EYA2: variants seen among roughly 807,000 people sequenced by gnomAD.
EYA2 encodes protein phosphatase EYA2.
Under a neutral mutation model 69.2 loss-of-function variants are expected in EYA2, and 31 were observed. The ratio of observed to expected loss-of-function variants is 0.45; its 90% CI spans 0.34 to 0.60. The LOEUF (loss-of-function observed/expected upper bound fraction) is 0.60, where lower values mean the gene tolerates loss of function less well. EYA2 is among the 20% of genes least tolerant of loss of function. The pLI is 0.02. For synonymous variants in EYA2, 257 were observed against 279.4 expected, an observed-to-expected ratio of 0.92 and a Z score of 0.80; for missense variants, 622 against 701.2, an observed-to-expected ratio of 0.89 and a Z score of 1.28.
chr20:47,155,257 A>G (rs1466806748), intron 10 of EYA2, among the ~76,000 whole-genome samples: 2 of 152,032 alleles, frequency 1.3e-5, no homozygotes, highest in African/African-American at 2.4e-5. Flanking sequence ...CACAAATAGC[A>G]ACAAGCAACC....
chr20:47,011,697 C>G (rs6094552), intron 4 of EYA2, among the ~76,000 whole-genome samples: 1 of 151,786 alleles, frequency 6.6e-6, no homozygotes. Context: ...CTCTTCCTCC[C>G]TGGGACCTCT....
chr20:47,116,940 G>A (rs2032910498), intron 9 of EYA2, among the ~76,000 whole-genome samples: 1 of 151,946 alleles, frequency 6.6e-6, no homozygotes, highest in African/African-American at 2.4e-5. Flanking sequence ...CCAGGTAGCT[G>A]GCAGAAATGC....
At chr20:46,896,626 C>T (rs922384248) in intron 1 of EYA2, among the ~76,000 whole-genome samples, 43 of 152,234 alleles carry the variant, frequency 2.8e-4, no homozygotes, top group Admixed American at 2.6e-3. Flanking sequence ...TAACAAATAA[C>T]AAATGATAGT....
chr20:47,140,934 ACT>A (rs2033581457), intron 9 of EYA2, among the ~76,000 whole-genome samples: 1 of 151,804 alleles, frequency 6.6e-6, no homozygotes, highest in South Asian at 2.1e-4. Flanking sequence ...GAGGAAGTCA[ACT>A]CTTTTAACAA....
chr20:47,089,406 C>T, intron 8 of EYA2, 25 bp downstream of exon 8: 1 of 1,598,644 alleles, frequency 6.3e-7, no homozygotes, highest in Non-Finnish European at 8.5e-7. Context: ...CTCTGTGTGA[C>T]CTGGTGAATG....
chr20:46,940,061 A>G lies in EYA2; in HGVS notation c.-11+45074A>G, dbSNP rs572529405. On this transcript the variant is annotated intron_variant, in intron 1 of 15. Coordinates refer to ENST00000327619, the MANE Select transcript of EYA2 (RefSeq NM_005244.5). ...ACGTGCGAGGATCTTGCAAAGATAC[A>G]CAAGAAATATAATAGGCCTACCTGA... is the stretch of plus-strand genomic sequence containing the variant. 5.3e-5 allele frequency among the ~76,000 whole-genome samples: 8 copies of G among 152,360 alleles called. No homozygotes were observed. The East Asian group carries it at 1.5e-3, about 29-fold the overall frequency.
intron 7 of EYA2, among the ~76,000 whole-genome samples, chr20:47,088,062 C>G (rs1336667036): frequency 1.3e-5 from 2 of 152,070 alleles, no homozygotes; most frequent in Admixed American, 1.3e-4. Flanking sequence ...CCTCGTCTCC[C>G]TGTCTCTACT....
At chr20:46,947,018 G>C (rs183432859) in intron 1 of EYA2, among the ~76,000 whole-genome samples, 1 of 152,158 alleles carries the variant, frequency 6.6e-6, no homozygotes, top group Non-Finnish European at 1.5e-5. Flanking sequence ...GTTATCTATG[G>C]CTGCTTTCCC....
chr20:46,958,154 T>C (rs1979248542), intron 1 of EYA2, among the ~76,000 whole-genome samples: 1 of 152,232 alleles, frequency 6.6e-6, no homozygotes, highest in Non-Finnish European at 1.5e-5. Context: ...CATTTTTTGC[T>C]TAAGCTAGAA....
intron 1 of EYA2, among the ~76,000 whole-genome samples, chr20:46,919,801 TC>T (rs1207608181): frequency 6.6e-6 from 1 of 152,288 alleles, no homozygotes; most frequent in Non-Finnish European, 1.5e-5. Flanking sequence ...GTCTCAGCTT[TC>T]GACATGCCTT....
chr20:47,134,698 A>T (rs182122556), intron 9 of EYA2, among the ~76,000 whole-genome samples: 71 of 152,310 alleles, frequency 4.7e-4, no homozygotes, highest in Middle Eastern at 3.4e-3. Flanking sequence ...CTATAAAGGG[A>T]TAATAAATAT....
chr20:47,041,210 T>C (rs1985047275), intron 5 of EYA2, among the ~76,000 whole-genome samples: 1 of 152,212 alleles, frequency 6.6e-6, no homozygotes. Context: ...CCTCTGATCC[T>C]AAGGAAATCT....
At chr20:47,062,730 C>T (rs933414896) in intron 5 of EYA2, among the ~76,000 whole-genome samples, 10 of 152,184 alleles carry the variant, frequency 6.6e-5, no homozygotes, top group Middle Eastern at 3.4e-3. Flanking sequence ...GAGCCTTCTG[C>T]GGTGAATCTC....
chr20:47,173,262 C>T (rs569116720), intron 12 of EYA2, among the ~76,000 whole-genome samples: 3 of 152,054 alleles, frequency 2.0e-5, no homozygotes, highest in Non-Finnish European at 2.9e-5. Context: ...TGAAACTCTG[C>T]GCTGGGGCCC....
intron 1 of EYA2, among the ~76,000 whole-genome samples, chr20:46,957,044 C>T (rs1979165859): frequency 6.6e-6 from 1 of 152,216 alleles, no homozygotes; most frequent in South Asian, 2.1e-4. Flanking sequence ...GGTGGGGACA[C>T]AGAGCCAAAC....
chr20:47,073,244 A>T (rs1333408668), intron 6 of EYA2, among the ~76,000 whole-genome samples: 1 of 152,180 alleles, frequency 6.6e-6, no homozygotes, highest in Non-Finnish European at 1.5e-5. Context: ...ATAGTGCGGC[A>T]GGATATTTGA....
At chr20:47,049,593 C>CAGAG (rs2030219237) in intron 5 of EYA2, among the ~76,000 whole-genome samples, 1 of 55,602 alleles carries the variant, frequency 1.8e-5, no homozygotes, top group Non-Finnish European at 5.5e-5. Flanking sequence ...CGTCGTGTGA[C>CAGAG]ACCCCCTGCT....
intron 5 of EYA2, among the ~76,000 whole-genome samples, chr20:47,070,243 T>A (rs2031265795): frequency 6.6e-6 from 1 of 152,202 alleles, no homozygotes; most frequent in Non-Finnish European, 1.5e-5. Context: ...GGAAAAAGAT[T>A]TGAGTAGATA....
At chr20:47,110,704 G>T (rs1446514871) in intron 9 of EYA2, among the ~76,000 whole-genome samples, 3 of 152,206 alleles carry the variant, frequency 2.0e-5, no homozygotes, top group Admixed American at 2.0e-4. Context: ...CACCTCCACT[G>T]GACAAATATT....
Sources: allele counts gnomAD v4.1 joint callset (sites outside exome capture counted in the v4.1 genomes callset), GRCh38; gene constraint gnomAD v4.1.1; transcripts MANE v1.5; gene names NCBI Gene and HGNC (gene_info 2026-07-23, HGNC 2026-07-21).